BRD3: variants seen among roughly 807,000 people sequenced by gnomAD.
BRD3 encodes the protein bromodomain containing 3.
A neutral mutation model predicts 66.8 loss-of-function variants in BRD3; 17 were observed. The ratio of observed to expected loss-of-function variants is 0.25; its 90% CI spans 0.17 to 0.38. The LOEUF is 0.38. Among genes scored for constraint, BRD3 ranks in the 10% least tolerant of loss-of-function variants. The probability of loss-of-function intolerance (pLI) is 1.00; values close to 1 mark genes in which losing one functional copy is unlikely to be tolerated. For synonymous variants in BRD3, 421 were observed against 393.2 expected, an observed-to-expected ratio of 1.07 and a Z score of -0.84; for missense variants, 713 against 956.1, an observed-to-expected ratio of 0.75 and a Z score of 3.35.
At chr9:134,066,970 A>C (rs906499320) in intron 1 of BRD3, among the ~76,000 whole-genome samples, 1 of 151,510 alleles carries the variant, frequency 6.6e-6, no homozygotes, top group African/African-American at 2.4e-5. Flanking sequence ...AGGCCGCGCG[A>C]AGCCCCCATC....
In BRD3 at chr9:134,032,955, G is replaced by T. The variant is rs1192016598; in HGVS notation, c.*635C>A. The stretch of plus-strand genomic sequence containing the variant: ...ACAGCCGCTCTGTTCCCTCCGAGGA[G>T]CTCCTGACATCACCACGAGCGGAGA... On this transcript the variant is annotated 3_prime_UTR_variant, in exon 12 of 12. Transcript: ENST00000303407. 2.5e-6 allele frequency: 1 copy of T among 392,710 alleles called. No homozygotes were observed. The highest frequency in any genetic ancestry group is 4.5e-6 in the Non-Finnish European group (1 of 223,358). 24.3% of individuals were successfully genotyped at this position (392,710 alleles called of 1,614,324 possible).
rs1389978184 is a variant in BRD3, at chr9:134,067,929, C to G, written c.-114+16G>C. 3 of 145,858 alleles carry G rather than the reference C, an allele frequency of 2.1e-5. No homozygotes were observed. The highest frequency in any genetic ancestry group is 4.6e-5 in the Non-Finnish European group (3 of 65,418). 9.0% of individuals were successfully genotyped at this position (145,858 alleles called of 1,614,324 possible). A position where few individuals can be genotyped will look rare whatever the true frequency, so the allele number is the denominator to read the frequency against. ...CCGCCGCCCCGCGCGCGCAAGGAAGCAAGAGAAAGGCGTACTTGGCCTCGC... is the reference window on the plus strand; with the variant it reads ...CCGCCGCCCCGCGCGCGCAAGGAAGGAAGAGAAAGGCGTACTTGGCCTCGC... On this transcript the variant is annotated intron_variant, in intron 1 of 11. Coordinates refer to ENST00000303407, the MANE Select transcript of BRD3 (RefSeq NM_007371.4).
chr9:134,043,543 G>A (rs552739102), intron 7 of BRD3, among the ~76,000 whole-genome samples: 2 of 152,350 alleles, frequency 1.3e-5, no homozygotes, highest in South Asian at 4.1e-4. Flanking sequence ...CCTCTCAGGA[G>A]ATGTCCCCAG....
Position 134,050,701 on chromosome 9 carries a change from C to T in BRD3, c.500-113G>A, listed in dbSNP as rs574882769. 5.7e-5 allele frequency: 48 copies of T among 849,112 alleles called. No homozygotes were observed. The South Asian group carries it at 6.4e-4, about 11-fold the overall frequency. The allele number at this position is 849,112 out of a possible 1,614,324, so 52.6% of individuals were successfully genotyped here. Reference sequence around the variant, plus strand: ...GGTACCAGCTCTGTGCTGCCAAGACCGCCGGCCAGAAGAACCCTCCATGCT... The same window carrying T: ...GGTACCAGCTCTGTGCTGCCAAGACTGCCGGCCAGAAGAACCCTCCATGCT... On this transcript the variant is annotated intron_variant, in intron 4 of 11. Transcript: ENST00000303407.
rs1843528071 is a variant in BRD3, at chr9:134,032,621, G to A, written c.*969C>T. The A allele has an allele frequency of 4.4e-6, 1 of 229,670 alleles. No individual in the cohort carries two copies. Among genetic ancestry groups the A allele is most frequent in the African/African-American group, 2.2e-5 (1 of 45,090 alleles). The allele number at this position is 229,670 out of a possible 1,614,324, so 14.2% of individuals were successfully genotyped here. ...CACCACTGGCAAGGCCTGCATCTCTGCGACTGTGTGAATGCATTTCTTCTG... is the reference window on the plus strand; with the variant it reads ...CACCACTGGCAAGGCCTGCATCTCTACGACTGTGTGAATGCATTTCTTCTG... On this transcript the variant is annotated 3_prime_UTR_variant, in exon 12 of 12. Transcript: ENST00000303407.
chr9:134,051,387 G>A (rs1472498152), intron 4 of BRD3, among the ~76,000 whole-genome samples, 175 bp downstream of exon 4: 1 of 152,138 alleles, frequency 6.6e-6, no homozygotes, highest in Non-Finnish European at 1.5e-5. Flanking sequence ...GTATCCCCGG[G>A]CCAGCTGCCC....
Position 134,042,075 on chromosome 9 carries a change from A to G in BRD3, c.1216-124T>C, listed in dbSNP as rs73558798. ...CCACAGCTGTTACGAAGGTGGGGCT[A>G]GGAGGAGACAGGGTCCCGCCTGCCT... On this transcript the variant is annotated intron_variant, in intron 7 of 11. Coordinates refer to ENST00000303407, the MANE Select transcript of BRD3 (RefSeq NM_007371.4). The G allele has an allele frequency of 2.9e-3, 3,291 of 1,121,322 alleles. 72 individuals are homozygous for G. The African/African-American group carries it at 0.046, about 16-fold the overall frequency. 69.5% of individuals were successfully genotyped at this position (1,121,322 alleles called of 1,614,324 possible).
intron 11 of BRD3, 183 bp downstream of exon 11, chr9:134,034,518 G>T: frequency 1.2e-6 from 1 of 825,330 alleles, no homozygotes; most frequent in Non-Finnish European, 1.8e-6. Flanking sequence ...GCAGGGTTGG[G>T]GTATGACCCC....
chr9:134,036,599 C>G, intron 9 of BRD3: 1 of 1,603,338 alleles, frequency 6.2e-7, no homozygotes, highest in Non-Finnish European at 8.5e-7. Context: ...TCTCTGTATT[C>G]AGGTAATCCA....
intron 10 of BRD3, among the ~76,000 whole-genome samples, chr9:134,035,534 G>A (rs566689638): frequency 9.8e-5 from 15 of 152,306 alleles, no homozygotes; most frequent in South Asian, 8.3e-4. Flanking sequence ...CCCAGGGTCC[G>A]TCCTGTGAGG....
chr9:134,062,736 C>T (rs7027500), intron 1 of BRD3, among the ~76,000 whole-genome samples: 53,768 of 152,084 alleles, frequency 0.35, 10,014 homozygotes, highest in Middle Eastern at 0.53. Flanking sequence ...GAAGTTGGCC[C>T]CACAGACACT....
chr9:134,050,116 G>A (rs993962868), intron 5 of BRD3, among the ~76,000 whole-genome samples: 1 of 152,238 alleles, frequency 6.6e-6, no homozygotes, highest in Non-Finnish European at 1.5e-5. Context: ...CCTTTGGCCA[G>A]GGCTTCTGGC....
intron 3 of BRD3, 26 bp from the exon 4 acceptor site, chr9:134,051,735 C>T (rs372887005): frequency 3.1e-5 from 49 of 1,578,010 alleles, no homozygotes; most frequent in African/African-American, 1.4e-4. Context: ...GTCCAGGTCA[C>T]GTGTCAGGAA....
intron 4 of BRD3, among the ~76,000 whole-genome samples, chr9:134,051,059 C>T (rs1171854728): frequency 1.3e-5 from 2 of 152,226 alleles, no homozygotes; most frequent in African/African-American, 4.8e-5. Context: ...GCCGGGTTCC[C>T]AGGCCAGGTG....
At chr9:134,039,026 C>A (rs1456969527) in intron 9 of BRD3, among the ~76,000 whole-genome samples, 1 of 152,028 alleles carries the variant, frequency 6.6e-6, no homozygotes, top group Non-Finnish European at 1.5e-5. Flanking sequence ...AATGGCTGAC[C>A]CAGCTGTCTA....
intron 7 of BRD3, among the ~76,000 whole-genome samples, chr9:134,042,373 C>G (rs1316848229): frequency 6.6e-6 from 1 of 152,226 alleles, no homozygotes; most frequent in African/African-American, 2.4e-5. Flanking sequence ...CTTCCCATCT[C>G]TTCACCCCGG....
intron 1 of BRD3, among the ~76,000 whole-genome samples, chr9:134,065,517 G>A (rs1340322954): frequency 2.6e-5 from 4 of 151,974 alleles, no homozygotes; most frequent in South Asian, 2.1e-4. Flanking sequence ...AAGGAAGCAA[G>A]AGGAGGATCC....
rs200526936 is a variant in BRD3, at chr9:134,036,373, C to T, written c.1644-49G>A. 119 of 1,567,682 alleles carry T rather than the reference C, an allele frequency of 7.6e-5. 1 individual carries two copies. Among genetic ancestry groups the T allele is most frequent in the Middle Eastern group, 2.0e-4 (1 of 4,940 alleles). On this transcript the variant is annotated intron_variant, in intron 9 of 11. Coordinates refer to ENST00000303407, the MANE Select transcript of BRD3 (RefSeq NM_007371.4). ...TGGTGTTGAGTCTCCGTCTACCTGC[C>T]GTGGGAGCCCACTGCACACACCCCT...
intron 7 of BRD3, among the ~76,000 whole-genome samples, chr9:134,044,001 C>G (rs1830115188): frequency 6.6e-6 from 1 of 152,260 alleles, no homozygotes; most frequent in Non-Finnish European, 1.5e-5. Flanking sequence ...AGGGGCAGAG[C>G]TGCCAGCTTC....
Sources: allele counts gnomAD v4.1 joint callset (sites outside exome capture counted in the v4.1 genomes callset), GRCh38; gene constraint gnomAD v4.1.1; transcripts MANE v1.5; gene names NCBI Gene and HGNC (gene_info 2026-07-23, HGNC 2026-07-21).